The following ERBIN variants were observed in gnomAD, a reference collection of about 807,000 sequenced individuals.
ERBIN encodes erbb2 interacting protein.
Under a neutral mutation model 158.4 loss-of-function variants are expected in ERBIN, and 60 were observed. The ratio of observed to expected loss-of-function variants is 0.38; its 90% CI spans 0.31 to 0.47. The LOEUF (loss-of-function observed/expected upper bound fraction) is 0.47, where lower values mean the gene tolerates loss of function less well. ERBIN is among the 20% of genes least tolerant of loss of function. The pLI is 0.99. For synonymous variants in ERBIN, 594 were observed against 557.2 expected, an observed-to-expected ratio of 1.07 and a Z score of -0.93; for missense variants, 1,610 against 1,648.0, an observed-to-expected ratio of 0.98 and a Z score of 0.40.
chr5:66,046,404 T>C lies in ERBIN; in HGVS notation c.1654T>C (p.Tyr552His), dbSNP rs767266944. 1 of 1,604,738 alleles carries C rather than the reference T, an allele frequency of 6.2e-7. No individual in the cohort carries two copies. The highest frequency in any genetic ancestry group is 8.5e-7 in the Non-Finnish European group (1 of 1,174,366). ...AAGCAAAGTTGATGAAAGAGAAAAA[T>C]ATATGATAGGAAACTCTGTACAGAA... ...VKSKVDEREK[Y>H]MIGNSVQKIS... Residue 552 changes from tyrosine (Y) to histidine (H), a missense_variant, in exon 18 of 26, where the codon TAT (tyrosine) becomes CAT (histidine). Tyr to His is a moderately conservative substitution (Grantham distance 83). Around this residue, in one of 2 missense-constraint regions of ERBIN, gnomAD observed 596 missense variants for 711.9 expected, o/e 0.84. Transcript: ENST00000284037.
intron 1 of ERBIN, among the ~76,000 whole-genome samples, chr5:65,946,978 A>G (rs1397254407): frequency 6.6e-6 from 1 of 151,050 alleles, no homozygotes; most frequent in Non-Finnish European, 1.5e-5. Context: ...GTAAGTATTG[A>G]ATTTTGAGAG....
intron 1 of ERBIN, among the ~76,000 whole-genome samples, chr5:65,967,170 C>A (rs186937543): frequency 8.8e-4 from 134 of 151,732 alleles, no homozygotes; most frequent in African/African-American, 2.7e-3. Flanking sequence ...CATGTTATTA[C>A]AAAAGTTAAG....
chr5:65,973,925 A>G lies in ERBIN; in HGVS notation c.-57-14710A>G, dbSNP rs7728895. ...GAATTAGGGAATCAGTTTAGAATCT[A>G]TTGTGCTAATACATAAAAGTGGGCT... On this transcript the variant is annotated intron_variant, in intron 1 of 25. Transcript: ENST00000284037. 2.4e-3 allele frequency among the ~76,000 whole-genome samples: 370 copies of G among 151,510 alleles called. 19 individuals are homozygous for G. Among genetic ancestry groups the G allele is most frequent in the African/African-American group, 8.4e-3 (342 of 40,788 alleles).
chr5:65,979,285 TG>T (rs1561324902), intron 1 of ERBIN, among the ~76,000 whole-genome samples: 2 of 151,488 alleles, frequency 1.3e-5, no homozygotes, highest in Admixed American at 6.6e-5. Flanking sequence ...AACTGCTGAC[TG>T]TGGTGGTGGT....
chr5:65,971,509 A>T lies in ERBIN; in HGVS notation c.-57-17126A>T, dbSNP rs1271342254. Among the ~76,000 whole-genome samples, 3 of 152,190 alleles carry T rather than the reference A, an allele frequency of 2.0e-5. 1 individual carries two copies. Among genetic ancestry groups the T allele is most frequent in the African/African-American group, 7.2e-5 (3 of 41,442 alleles). On this transcript the variant is annotated intron_variant, in intron 1 of 25. Coordinates refer to ENST00000284037, the MANE Select transcript of ERBIN (RefSeq NM_001253697.2). The stretch of plus-strand genomic sequence containing the variant: ...TAATGAGACTCCTTGGATGAAAGTA[A>T]CCAAAACCAGTAAAAATAAGGTAAT...
chr5:66,072,268 G>T lies in ERBIN; in HGVS notation c.3733G>T (p.Val1245Phe). Residue 1245 changes from valine to phenylalanine, a missense_variant, in exon 22 of 26, where the codon GTT (valine) becomes TTT (phenylalanine). Around this residue, in one of 2 missense-constraint regions of ERBIN, gnomAD observed 1,014 missense variants for 936.1 expected, o/e 1.08. Transcript: ENST00000284037. ...YSSATLSHKD[V>F]PPDSLMKMPL... The stretch of plus-strand genomic sequence containing the variant: ...ATCAGCCACACTTAGTCACAAAGAT[G>T]TTCCTCCAGACAGCTTGATGAAAGT... 1 of 1,550,338 alleles carries T rather than the reference G, an allele frequency of 6.5e-7. No homozygotes were observed. The highest frequency in any genetic ancestry group is 1.4e-5 in the African/African-American group (1 of 73,164).
intron 9 of ERBIN, 73 bp from the exon 10 acceptor site, chr5:66,024,233 A>G: frequency 9.6e-7 from 1 of 1,041,784 alleles, no homozygotes; most frequent in Non-Finnish European, 1.4e-6. Flanking sequence ...ACTTGGTATC[A>G]AGTTTATTCC....
chr5:66,016,490 T>A (rs1754733293), intron 7 of ERBIN, among the ~76,000 whole-genome samples: 1 of 152,226 alleles, frequency 6.6e-6, no homozygotes, highest in Non-Finnish European at 1.5e-5. Flanking sequence ...TTACTGTCTT[T>A]ACCATTTTTA....
intron 14 of ERBIN, among the ~76,000 whole-genome samples, chr5:66,031,508 A>G (rs1285633963): frequency 6.6e-6 from 1 of 152,184 alleles, no homozygotes; most frequent in Non-Finnish European, 1.5e-5. Flanking sequence ...TCAGAGGAGG[A>G]AATGCCTGCA....
At chr5:66,058,676 G>A (rs1344302174) in intron 21 of ERBIN, among the ~76,000 whole-genome samples, 11 of 149,014 alleles carry the variant, frequency 7.4e-5, no homozygotes, top group Non-Finnish European at 1.5e-4. Flanking sequence ...TAGGTCTAAC[G>A]TTTAAGTCTT....
chr5:66,060,564 T>G (rs1217836555), intron 21 of ERBIN, among the ~76,000 whole-genome samples: 1 of 152,184 alleles, frequency 6.6e-6, no homozygotes, highest in African/African-American at 2.4e-5. Flanking sequence ...ATCTTAGTTA[T>G]TTCTTGTCTT....
At chr5:66,006,518 A>G (rs528780135) in intron 4 of ERBIN, among the ~76,000 whole-genome samples, 6,344 of 151,680 alleles carry the variant, frequency 0.042, 457 homozygotes, top group African/African-American at 0.15. Flanking sequence ...AAAAGCAATG[A>G]CAACAAAAGC....
chr5:66,022,412 C>T (rs373680913), intron 8 of ERBIN, among the ~76,000 whole-genome samples: 4 of 152,300 alleles, frequency 2.6e-5, no homozygotes, highest in African/African-American at 9.6e-5. Flanking sequence ...AACAGTAATG[C>T]ACAAAAGGAA....
chr5:66,012,066 G>A lies in ERBIN; in HGVS notation c.325G>A (p.Glu109Lys). The change falls in exon 5 of 26, where the codon GAA becomes AAA. Residue 109 changes from glutamate to lysine, a missense_variant. By Grantham distance (56) the Glu-to-Lys change is moderately conservative. Coordinates refer to ENST00000284037, the MANE Select transcript of ERBIN (RefSeq NM_001253697.2). Reference protein sequence around the residue: ...VSKNGIQEFPENIKNCKVLTI... With the variant: ...VSKNGIQEFPKNIKNCKVLTI... Reference sequence around the variant, plus strand: ...TTTTCTAGGAATACAGGAGTTTCCAGAAAATATAAAAAATTGTAAAGTTTT... The same window carrying A: ...TTTTCTAGGAATACAGGAGTTTCCAAAAAATATAAAAAATTGTAAAGTTTT... The A allele has an allele frequency of 1.2e-6, 2 of 1,605,160 alleles. No individual in the cohort carries two copies. The highest frequency in any genetic ancestry group is 1.7e-6 in the Non-Finnish European group (2 of 1,174,718).
intron 1 of ERBIN, among the ~76,000 whole-genome samples, chr5:65,962,284 T>A (rs1207640465): frequency 6.6e-6 from 1 of 152,194 alleles, no homozygotes. Flanking sequence ...CTTCATAAAT[T>A]GCCATTATGA....
chr5:66,013,864 A>C (rs1754449595), intron 6 of ERBIN, among the ~76,000 whole-genome samples: 1 of 152,176 alleles, frequency 6.6e-6, no homozygotes, highest in African/African-American at 2.4e-5. Context: ...TTAGGTGGCC[A>C]AAACAGGGCG....
chr5:65,934,565 C>T (rs1417771107), intron 1 of ERBIN, among the ~76,000 whole-genome samples: 2 of 152,058 alleles, frequency 1.3e-5, no homozygotes, highest in African/African-American at 2.4e-5. Context: ...AGATCTTTGG[C>T]AGGGTTATTG....
At chr5:65,951,744 TAC>T (rs1419202047) in intron 1 of ERBIN, among the ~76,000 whole-genome samples, 2 of 152,250 alleles carry the variant, frequency 1.3e-5, no homozygotes, top group Non-Finnish European at 2.9e-5. Context: ...AGACTGTGGT[TAC>T]AGTTATAACA....
intron 4 of ERBIN, among the ~76,000 whole-genome samples, chr5:66,010,002 C>T (rs1173853098): frequency 6.6e-6 from 1 of 152,158 alleles, no homozygotes; most frequent in Non-Finnish European, 1.5e-5. Context: ...TTTGAACAAC[C>T]ACCAAACTAC....
Sources: gnomAD v4.1 joint callset for allele counts (sites outside exome capture counted in the v4.1 genomes callset) on GRCh38, gnomAD v4.1.1 for gene constraint, gnomAD v4.1.1 regional missense constraint, MANE v1.5 for transcripts, NCBI Gene and HGNC (gene_info 2026-07-23, HGNC 2026-07-21) for gene names.